The following DOK6 variants were observed in gnomAD, a reference collection of about 807,000 sequenced individuals.
DOK6 encodes downstream of tyrosine kinase 6.
In DOK6, 22 loss-of-function variants were observed where a neutral mutation model predicts 44.0. That is an observed-to-expected ratio of 0.50 (90% CI 0.36 to 0.71). The LOEUF (loss-of-function observed/expected upper bound fraction) is 0.71, where lower values mean the gene tolerates loss of function less well. Among genes scored for constraint, DOK6 ranks in the 30% least tolerant of loss-of-function variants. The pLI, the probability that DOK6 is intolerant of heterozygous loss-of-function variation, is 0.00. For missense variants in DOK6, 340 were observed against 416.4 expected, an observed-to-expected ratio of 0.82 and a Z score of 1.60; for synonymous variants, 166 against 145.5, an observed-to-expected ratio of 1.14 and a Z score of -1.01.
intron 3 of DOK6, among the ~76,000 whole-genome samples, chr18:69,624,730 T>C (rs1490660080): frequency 6.6e-6 from 1 of 152,122 alleles, no homozygotes. Context: ...TTTTATTTAC[T>C]ATTCAATTTA....
chr18:69,760,827 T>C (rs12954335), intron 7 of DOK6, among the ~76,000 whole-genome samples: 3,423 of 30,804 alleles, frequency 0.11, 134 homozygotes, highest in Middle Eastern at 0.28. Context: ...TCCCGGGGGC[T>C]GGCTGTGACC....
chr18:69,649,329 A>G (rs891721208), intron 3 of DOK6, among the ~76,000 whole-genome samples: 1 of 152,234 alleles, frequency 6.6e-6, no homozygotes, highest in African/African-American at 2.4e-5. Flanking sequence ...ATTTATGTCC[A>G]TGTAAACGAA....
chr18:69,781,903 T>C (rs1980279503), intron 7 of DOK6, among the ~76,000 whole-genome samples: 1 of 152,150 alleles, frequency 6.6e-6, no homozygotes, highest in Admixed American at 6.5e-5. Context: ...AATTATATAT[T>C]TTCTAGCAAA....
chr18:69,438,149 TAA>T (rs1979034562), intron 1 of DOK6, among the ~76,000 whole-genome samples: 1 of 152,128 alleles, frequency 6.6e-6, no homozygotes, highest in Admixed American at 6.5e-5. Context: ...CCACATATAT[TAA>T]GCCTTCCTTT....
intron 1 of DOK6, among the ~76,000 whole-genome samples, chr18:69,472,298 G>A (rs144144447): frequency 6.6e-6 from 1 of 152,226 alleles, no homozygotes; most frequent in Non-Finnish European, 1.5e-5. Flanking sequence ...AGGTGACTGC[G>A]CACACAATGA....
intron 7 of DOK6, among the ~76,000 whole-genome samples, chr18:69,791,855 T>C (rs1980610531): frequency 6.6e-6 from 1 of 152,116 alleles, no homozygotes; most frequent in Non-Finnish European, 1.5e-5. Flanking sequence ...GTGTCTCCAA[T>C]GTTTTCTTTT....
chr18:69,514,256 A>T (rs1981454285), intron 1 of DOK6, among the ~76,000 whole-genome samples: 1 of 151,952 alleles, frequency 6.6e-6, no homozygotes, highest in Non-Finnish European at 1.5e-5. Flanking sequence ...ATGAGTAAAA[A>T]AAAAGAAAGG....
intron 1 of DOK6, among the ~76,000 whole-genome samples, chr18:69,479,025 C>A (rs1289836802): frequency 6.6e-6 from 1 of 152,148 alleles, no homozygotes; most frequent in Non-Finnish European, 1.5e-5. Flanking sequence ...TTGTCCGTTT[C>A]ATTTTTGCTA....
intron 1 of DOK6, among the ~76,000 whole-genome samples, chr18:69,541,478 G>C (rs971903576): frequency 2.0e-5 from 3 of 151,418 alleles, no homozygotes. Context: ...ATTTATGAGA[G>C]ATATTTTATT....
At chr18:69,520,403 TG>T (rs1476642961) in intron 1 of DOK6, among the ~76,000 whole-genome samples, 1 of 151,870 alleles carries the variant, frequency 6.6e-6, no homozygotes, top group Non-Finnish European at 1.5e-5. Flanking sequence ...TCAGTGTGTA[TG>T]TTTTTTTATC....
At chr18:69,792,630 C>G (rs1411383528) in intron 7 of DOK6, among the ~76,000 whole-genome samples, 1 of 152,014 alleles carries the variant, frequency 6.6e-6, no homozygotes, top group Non-Finnish European at 1.5e-5. Context: ...CATCTGCAAA[C>G]AAGGATAATT....
chr18:69,419,652 AAT>A (rs1359559558), intron 1 of DOK6, among the ~76,000 whole-genome samples: 4 of 152,124 alleles, frequency 2.6e-5, no homozygotes, highest in African/African-American at 9.7e-5. Context: ...GTATATGTTT[AAT>A]ATGTGTTAAT....
intron 3 of DOK6, among the ~76,000 whole-genome samples, chr18:69,612,424 AGGG>A (rs1488106454): frequency 0.011 from 1,705 of 150,754 alleles, 29 homozygotes; most frequent in South Asian, 0.033. Context: ...CATGTGTGCG[AGGG>A]CGCATGTGTG....
At chr18:69,811,944 T>C (rs1296145215) in intron 7 of DOK6, among the ~76,000 whole-genome samples, 1 of 152,120 alleles carries the variant, frequency 6.6e-6, no homozygotes, top group Non-Finnish European at 1.5e-5. Flanking sequence ...CTGTGATATA[T>C]ATGATATACA....
intron 6 of DOK6, among the ~76,000 whole-genome samples, chr18:69,752,009 C>T (rs1003492081): frequency 6.6e-6 from 1 of 151,792 alleles, no homozygotes; most frequent in Non-Finnish European, 1.5e-5. Flanking sequence ...TAAACAAATA[C>T]AATTTTAATT....
At chr18:69,570,188 A>G (rs1599198335) in intron 2 of DOK6, among the ~76,000 whole-genome samples, 1 of 152,172 alleles carries the variant, frequency 6.6e-6, no homozygotes, top group African/African-American at 2.4e-5. Context: ...CCCCTAGCCT[A>G]AAATAAAAGT....
chr18:69,676,793 T>C (rs888095148), intron 3 of DOK6, among the ~76,000 whole-genome samples: 1 of 152,228 alleles, frequency 6.6e-6, no homozygotes, highest in Non-Finnish European at 1.5e-5. Flanking sequence ...GGCACAGATA[T>C]GATCCTAACC....
At chr18:69,673,069 T>C (rs1985843253) in intron 3 of DOK6, among the ~76,000 whole-genome samples, 1 of 152,176 alleles carries the variant, frequency 6.6e-6, no homozygotes, top group Admixed American at 6.5e-5. Flanking sequence ...TTTCCAAAGA[T>C]TATTAATAAA....
chr18:69,419,342 T>A (rs1978421870), intron 1 of DOK6, among the ~76,000 whole-genome samples: 1 of 152,164 alleles, frequency 6.6e-6, no homozygotes, highest in African/African-American at 2.4e-5. Flanking sequence ...ACAATAAAAG[T>A]GTGCAGAATA....
Sources: gnomAD v4.1 joint callset for allele counts (sites outside exome capture counted in the v4.1 genomes callset) on GRCh38, gnomAD v4.1.1 for gene constraint, MANE v1.5 for transcripts, NCBI Gene and HGNC (gene_info 2026-07-23, HGNC 2026-07-21) for gene names.